Variants in SYTL4 observed in about 807,000 individuals in gnomAD.
SYTL4 encodes the protein synaptotagmin-like protein 4.
In SYTL4, 16 loss-of-function variants were observed where a neutral mutation model predicts 52.7. That is an observed-to-expected ratio of 0.30 (90% confidence interval 0.21 to 0.46). The LOEUF (loss-of-function observed/expected upper bound fraction) is 0.46, where lower values mean the gene tolerates loss of function less well. Ranked by LOEUF, SYTL4 falls within the 20% of genes least tolerant of loss-of-function variation. The pLI, the probability that SYTL4 is intolerant of heterozygous loss-of-function variation, is 1.00. For missense variants in SYTL4, 423 were observed against 519.9 expected (o/e 0.81, Z 1.81); for synonymous variants, 160 against 186.6 (o/e 0.86, Z 1.16).
rs1050571062 is a variant in SYTL4 at position 100,688,504 on chromosome X, A to G, written c.913-61T>C. ...GAAAGACTTTTCTTTAGCTTCAAAG[A>G]CTAATATCTTTCCTTTAAAGCTCCA... On this transcript the variant is annotated intron_variant, in intron 12 of 19. Coordinates refer to ENST00000372989, the MANE Select transcript of SYTL4 (RefSeq NM_001370165.1). The G allele has an allele frequency of 7.3e-6, 7 of 955,478 alleles. No homozygotes were observed. In the South Asian group the frequency reaches 1.4e-4, roughly 19 times the overall value. 78.7% of individuals were successfully genotyped at this position (955,478 alleles called of 1,213,427 possible).
intron 8 of SYTL4, among the ~76,000 whole-genome samples, chrX:100,694,755 TCAAA>T (rs1193324007): frequency 1.8e-5 from 2 of 111,909 alleles, no homozygotes; most frequent in Non-Finnish European, 3.8e-5. Context: ...TAGATATTTG[TCAAA>T]CAAACAAACT....
chrX:100,705,670 A>G lies in SYTL4; in HGVS notation c.-239-784T>C, dbSNP rs1048882406. 2.7e-5 allele frequency among the ~76,000 whole-genome samples: 3 copies of G among 111,698 alleles called. No homozygotes were observed. The Admixed American group carries it at 2.9e-4, about 11-fold the overall frequency. ...ACTGGTGCTTGTGGAGAGGCAGCAG[A>G]ATATTGTGATGAGAAAGGCACGTTG... is the stretch of plus-strand genomic sequence containing the variant. On this transcript the variant is annotated intron_variant, in intron 2 of 19. Coordinates refer to ENST00000372989, the MANE Select transcript of SYTL4 (RefSeq NM_001370165.1).
chrX:100,688,871 CCTT>C (rs1317265204), intron 12 of SYTL4, among the ~76,000 whole-genome samples: 1 of 109,976 alleles, frequency 9.1e-6, no homozygotes, highest in African/African-American at 3.3e-5. Context: ...GGCCTCATAT[CCTT>C]CTTTTTACAT....
At chrX:100,717,479 G>A (rs914034399) in intron 2 of SYTL4, among the ~76,000 whole-genome samples, 17 of 113,148 alleles carry the variant, frequency 1.5e-4, no homozygotes, top group Non-Finnish European at 2.8e-4. Context: ...ATAAAGCAAC[G>A]TGGTATGAGC....
At chrX:100,697,717 T>C (rs948511488) in intron 8 of SYTL4, among the ~76,000 whole-genome samples, 3 of 110,058 alleles carry the variant, frequency 2.7e-5, no homozygotes, top group Admixed American at 9.7e-5. Flanking sequence ...AAAACCTAAA[T>C]AAGATAATTT....
At chrX:100,678,674 C>T in intron 18 of SYTL4, 75 bp from the exon 19 acceptor site, 2 of 892,200 alleles carry the variant, frequency 2.2e-6, no homozygotes, top group Middle Eastern at 3.3e-4. Flanking sequence ...CTTTCCCCTA[C>T]CACAGGCCTA....
chrX:100,675,243 C>T lies in SYTL4; in HGVS notation c.*785G>A, dbSNP rs1219156066. On this transcript the variant is annotated 3_prime_UTR_variant, in exon 20 of 20. Coordinates refer to ENST00000372989, the MANE Select transcript of SYTL4 (RefSeq NM_001370165.1). ...GGCTGTGAGACACTTTACCCTCAGT[C>T]ACTCTGGTCCTCTGAGATCAGCTAG... 1 of 112,748 alleles carries T rather than the reference C, an allele frequency of 8.9e-6. No individual in the cohort carries two copies. The highest frequency in any genetic ancestry group is 1.9e-5 in the Non-Finnish European group (1 of 53,322). 9.3% of individuals were successfully genotyped at this position (112,748 alleles called of 1,213,427 possible). A position where few individuals can be genotyped will look rare whatever the true frequency, so the allele number is the denominator to read the frequency against.
chrX:100,686,932 C>A, intron 14 of SYTL4, 135 bp downstream of exon 14: 1 of 885,091 alleles, frequency 1.1e-6, no homozygotes, highest in South Asian at 2.5e-5. Context: ...TGCTTTTTCC[C>A]AATCCTGGTT....
chrX:100,715,842 G>A (rs113756632), intron 2 of SYTL4, among the ~76,000 whole-genome samples: 6 of 107,721 alleles, frequency 5.6e-5, no homozygotes, highest in African/African-American at 1.7e-4. Context: ...GAAGGCTGAG[G>A]TGGGAGGATC....
intron 19 of SYTL4, among the ~76,000 whole-genome samples, chrX:100,676,862 C>T (rs1021963792): frequency 1.8e-5 from 2 of 111,364 alleles, no homozygotes; most frequent in Non-Finnish European, 3.8e-5. Context: ...TATGTGGCCC[C>T]ATTCATATTC....
chrX:100,694,551 A>G (rs2083666106), intron 8 of SYTL4, among the ~76,000 whole-genome samples: 1 of 111,679 alleles, frequency 9.0e-6, no homozygotes, highest in Non-Finnish European at 1.9e-5. Flanking sequence ...ACACACATTC[A>G]TTCCTGGCAC....
chrX:100,675,252 C>T lies in SYTL4; in HGVS notation c.*776G>A, dbSNP rs1306055677. 8.9e-6 allele frequency: 1 copy of T among 112,656 alleles called. No homozygotes were observed. Among genetic ancestry groups the T allele is most frequent in the Non-Finnish European group, 1.9e-5 (1 of 53,319 alleles). 9.3% of individuals were successfully genotyped at this position (112,656 alleles called of 1,213,427 possible). A position where few individuals can be genotyped will look rare whatever the true frequency, so the allele number is the denominator to read the frequency against. The stretch of plus-strand genomic sequence containing the variant: ...ACACTTTACCCTCAGTCACTCTGGT[C>T]CTCTGAGATCAGCTAGAAGCTCTCA... On this transcript the variant is annotated 3_prime_UTR_variant, in exon 20 of 20. Transcript: ENST00000372989.
chrX:100,729,260 A>T (rs1362903979), intron 2 of SYTL4, among the ~76,000 whole-genome samples: 1 of 111,250 alleles, frequency 9.0e-6, no homozygotes, highest in Non-Finnish European at 1.9e-5. Context: ...TTAATTCATT[A>T]ACAAATATTA....
Position 100,675,721 on chromosome X carries a change from G to A in SYTL4, c.*307C>T, listed in dbSNP as rs1168675008. 5.0e-6 allele frequency: 1 copy of A among 199,644 alleles called. No homozygotes were observed. The highest frequency in any genetic ancestry group is 2.9e-5 in the African/African-American group (1 of 33,994). 16.5% of individuals were successfully genotyped at this position (199,644 alleles called of 1,213,427 possible). A position where few individuals can be genotyped will look rare whatever the true frequency, so the allele number is the denominator to read the frequency against. On this transcript the variant is annotated 3_prime_UTR_variant, in exon 20 of 20. Transcript: ENST00000372989. ...AAGTTGTTTTAAAAGCTGTTTTTAAGTTAAGTGAACCTTATAAAGACATAA... is the reference window on the plus strand; with the variant it reads ...AAGTTGTTTTAAAAGCTGTTTTTAAATTAAGTGAACCTTATAAAGACATAA...
intron 2 of SYTL4, among the ~76,000 whole-genome samples, chrX:100,727,313 G>A (rs759733546): frequency 1.8e-4 from 20 of 112,447 alleles, no homozygotes; most frequent in Middle Eastern, 4.6e-3. Flanking sequence ...ATATAAAGGA[G>A]CAAGTCTTGG....
chrX:100,728,200 G>A (rs779560297), intron 2 of SYTL4, among the ~76,000 whole-genome samples: 3 of 112,024 alleles, frequency 2.7e-5, no homozygotes, highest in Non-Finnish European at 5.6e-5. Context: ...GTACAAATTT[G>A]AGTTTCAAAT....
Position 100,720,958 on chromosome X carries a change from T to A in SYTL4, c.-240+10460A>T, listed in dbSNP as rs765909014. Reference sequence around the variant, plus strand: ...ATAAAAATAAACATAAAATATTAACTTATTACAAGCCCTCTTTCCCTCCTA... The same window carrying A: ...ATAAAAATAAACATAAAATATTAACATATTACAAGCCCTCTTTCCCTCCTA... On this transcript the variant is annotated intron_variant, in intron 2 of 19. Coordinates refer to ENST00000372989, the MANE Select transcript of SYTL4 (RefSeq NM_001370165.1). Among the ~76,000 whole-genome samples the A allele has an allele frequency of 7.2e-5, 8 of 111,313 alleles. No individual in the cohort carries two copies. The South Asian group carries it at 2.6e-3, about 36-fold the overall frequency.
chrX:100,676,926 GC>G (rs2083288902), intron 19 of SYTL4, among the ~76,000 whole-genome samples: 1 of 112,037 alleles, frequency 8.9e-6, no homozygotes, highest in African/African-American at 3.2e-5. Context: ...CCTACTGTGT[GC>G]CAGGTACTCT....
intron 17 of SYTL4, 30 bp downstream of exon 17, chrX:100,681,196 AG>A: frequency 8.8e-7 from 1 of 1,135,921 alleles, no homozygotes; most frequent in Non-Finnish European, 1.2e-6. Context: ...CAGAAGACTA[AG>A]CTACATCCAG....
Sources: allele counts gnomAD v4.1 joint callset (sites outside exome capture counted in the v4.1 genomes callset), GRCh38; gene constraint gnomAD v4.1.1; transcripts MANE v1.5; gene names NCBI Gene and HGNC (gene_info 2026-07-23, HGNC 2026-07-21).